Variants in GALNT13 observed in about 807,000 individuals in gnomAD.
GALNT13 encodes the protein polypeptide N-acetylgalactosaminyltransferase 13, also known as UDP-GalNAc:polypeptide N-acetylgalactosaminyltransferase 13.
In GALNT13, 28 loss-of-function variants were observed where a neutral mutation model predicts 64.2. That is an observed-to-expected ratio of 0.44 (90% CI 0.32 to 0.60). GALNT13 has a LOEUF of 0.60. GALNT13 is among the 20% of genes least tolerant of loss of function. The pLI is 0.05. For missense variants in GALNT13, 577 were observed against 669.8 expected, an observed-to-expected ratio of 0.86 and a Z score of 1.53; for synonymous variants, 214 against 224.6, an observed-to-expected ratio of 0.95 and a Z score of 0.42.
At chr2:153,837,955 T>A in the GALNT13 span, among the ~76,000 whole-genome samples, 1 of 152,048 alleles carries the variant, frequency 6.6e-6, no homozygotes, top group African/African-American at 2.4e-5. Flanking sequence ...TTTTTAATAA[T>A]AACCTTTCTA....
chr2:153,818,561 A>T, the GALNT13 span, among the ~76,000 whole-genome samples: 1 of 152,196 alleles, frequency 6.6e-6, no homozygotes, highest in African/African-American at 2.4e-5. Context: ...GGGTCCCAGC[A>T]TAGTGACTCT....
At chr2:153,893,541 A>T (rs1687692552) in intron 1 of GALNT13, among the ~76,000 whole-genome samples, 1 of 152,148 alleles carries the variant, frequency 6.6e-6, no homozygotes, top group East Asian at 1.9e-4. Flanking sequence ...GTGAATTGTT[A>T]TACTGAATTT....
chr2:153,272,176 C>T, the GALNT13 span, among the ~76,000 whole-genome samples: 1 of 152,104 alleles, frequency 6.6e-6, no homozygotes, highest in East Asian at 1.9e-4. Context: ...AAAACCTAGG[C>T]AATACCATTC....
chr2:153,514,176 C>T, the GALNT13 span, among the ~76,000 whole-genome samples: 1 of 151,944 alleles, frequency 6.6e-6, no homozygotes, highest in Non-Finnish European at 1.5e-5. Flanking sequence ...CTCTCTTTAG[C>T]TCTTACCCAT....
chr2:154,218,145 A>G (rs1420112887), intron 4 of GALNT13, among the ~76,000 whole-genome samples: 1 of 152,146 alleles, frequency 6.6e-6, no homozygotes, highest in Non-Finnish European at 1.5e-5. Context: ...ATATGTAGTT[A>G]AGTGAACCCA....
chr2:153,882,084 A>T, intron 1 of GALNT13, among the ~76,000 whole-genome samples: 1 of 152,074 alleles, frequency 6.6e-6, no homozygotes, highest in East Asian at 1.9e-4. Context: ...CTGAAAACTC[A>T]TTAAGTCAAG....
the GALNT13 span, among the ~76,000 whole-genome samples, chr2:153,658,803 C>A: frequency 6.6e-6 from 1 of 150,500 alleles, no homozygotes; most frequent in South Asian, 2.1e-4. Context: ...TTCTTTAAGA[C>A]AATCCAGAAA....
the GALNT13 span, among the ~76,000 whole-genome samples, chr2:153,697,521 A>T: frequency 5.3e-5 from 8 of 152,226 alleles, no homozygotes; most frequent in Non-Finnish European, 8.8e-5. Context: ...ATATTTCTGA[A>T]TGTGATGTGT....
the GALNT13 span, among the ~76,000 whole-genome samples, chr2:153,742,508 G>A: frequency 6.6e-6 from 1 of 151,942 alleles, no homozygotes; most frequent in Non-Finnish European, 1.5e-5. Context: ...TATGGTTTGG[G>A]CTTCTAGTGG....
chr2:153,276,101 T>C, the GALNT13 span, among the ~76,000 whole-genome samples: 5 of 152,160 alleles, frequency 3.3e-5, no homozygotes, highest in Non-Finnish European at 7.4e-5. Flanking sequence ...TTATTTCTGG[T>C]ATTCTATTTT....
the GALNT13 span, among the ~76,000 whole-genome samples, chr2:153,295,101 G>A: frequency 6.6e-6 from 1 of 152,100 alleles, no homozygotes; most frequent in Non-Finnish European, 1.5e-5. Context: ...GGTGTTCCAG[G>A]ACTCCCTCAG....
At chr2:153,398,281 C>T in the GALNT13 span, among the ~76,000 whole-genome samples, 1 of 152,106 alleles carries the variant, frequency 6.6e-6, no homozygotes, top group Non-Finnish European at 1.5e-5. Flanking sequence ...CATAGTATTC[C>T]ATGGTGTATA....
the GALNT13 span, among the ~76,000 whole-genome samples, chr2:153,690,565 T>C: frequency 2.0e-5 from 3 of 152,144 alleles, no homozygotes; most frequent in Non-Finnish European, 4.4e-5. Context: ...TGATGGGGAC[T>C]TACAAAGGTC....
At chr2:153,222,753 G>A in the GALNT13 span, among the ~76,000 whole-genome samples, 1 of 152,212 alleles carries the variant, frequency 6.6e-6, no homozygotes, top group African/African-American at 2.4e-5. Flanking sequence ...CGCATACCCG[G>A]GCTGTGACAG....
chr2:153,654,768 A>G, the GALNT13 span, among the ~76,000 whole-genome samples: 3 of 152,168 alleles, frequency 2.0e-5, no homozygotes, highest in African/African-American at 7.2e-5. Flanking sequence ...TTTATAAGCC[A>G]TATGCAAATA....
intron 9 of GALNT13, among the ~76,000 whole-genome samples, chr2:154,367,659 A>G (rs1299236349): frequency 2.0e-5 from 3 of 152,218 alleles, no homozygotes; most frequent in Non-Finnish European, 4.4e-5. Flanking sequence ...GCAAACAAGA[A>G]TAAAATCTTT....
chr2:154,135,174 T>C (rs1438604844), intron 3 of GALNT13, among the ~76,000 whole-genome samples: 3 of 152,192 alleles, frequency 2.0e-5, no homozygotes, highest in Non-Finnish European at 2.9e-5. Context: ...TCCTTTGCTT[T>C]CTTCCTTCCT....
the GALNT13 span, among the ~76,000 whole-genome samples, chr2:153,287,815 G>C: frequency 6.6e-6 from 1 of 152,152 alleles, no homozygotes; most frequent in African/African-American, 2.4e-5. Context: ...TGGCAGGCCA[G>C]AGTTATCTTG....
intron 4 of GALNT13, among the ~76,000 whole-genome samples, chr2:154,192,989 GA>G (rs539483194): frequency 2.0e-5 from 3 of 152,002 alleles, no homozygotes; most frequent in South Asian, 4.2e-4. Flanking sequence ...AAAAGCTATT[GA>G]AAAAAATAAT....
Sources: allele counts gnomAD v4.1 joint callset (sites outside exome capture counted in the v4.1 genomes callset), GRCh38; gene constraint gnomAD v4.1.1; transcripts MANE v1.5; gene names NCBI Gene and HGNC (gene_info 2026-07-23, HGNC 2026-07-21).